Variants in ZFPM2 observed in about 807,000 individuals in gnomAD.
ZFPM2 encodes the protein zinc finger protein, FOG family member 2.
A neutral mutation model predicts 98.6 loss-of-function variants in ZFPM2; 20 were observed. The observed-to-expected ratio is 0.20, with a 90% CI of 0.14 to 0.29. ZFPM2 has a LOEUF of 0.29. Among genes scored for constraint, ZFPM2 ranks in the 10% least tolerant of loss-of-function variants. The pLI is 1.00. For missense variants in ZFPM2, 1,310 were observed against 1,388.6 expected (o/e 0.94, Z 0.90); for synonymous variants, 518 against 502.7 (o/e 1.03, Z -0.41).
chr8:105,790,235 T>C (rs1208674904), intron 6 of ZFPM2, among the ~76,000 whole-genome samples: 10 of 151,198 alleles, frequency 6.6e-5, no homozygotes, highest in African/African-American at 2.4e-4. Context: ...CATTTAAGTC[T>C]TTAATCCATC....
chr8:105,752,305 T>A (rs1339724179), intron 5 of ZFPM2, among the ~76,000 whole-genome samples: 2 of 152,138 alleles, frequency 1.3e-5, no homozygotes, highest in African/African-American at 4.8e-5. Context: ...GTTTTCTAAA[T>A]TTGTGATTCT....
intron 1 of ZFPM2, among the ~76,000 whole-genome samples, chr8:105,375,479 T>C (rs1305851734): frequency 1.3e-5 from 2 of 152,126 alleles, no homozygotes; most frequent in Admixed American, 6.6e-5. Flanking sequence ...CTCTTACTAG[T>C]GCAGTAGCAA....
chr8:105,386,868 C>G (rs974477352), intron 1 of ZFPM2, among the ~76,000 whole-genome samples: 8 of 152,034 alleles, frequency 5.3e-5, no homozygotes, highest in African/African-American at 1.2e-4. Flanking sequence ...CTCCACGTAC[C>G]CACTAGATTA....
intron 2 of ZFPM2, among the ~76,000 whole-genome samples, chr8:105,443,981 A>G (rs1026841173): frequency 3.9e-5 from 6 of 152,204 alleles, no homozygotes; most frequent in Admixed American, 2.0e-4. Context: ...AAAAAATTAT[A>G]AACTGCAATT....
chr8:105,804,097 G>C lies in ZFPM2; in HGVS notation c.*559G>C, dbSNP rs1486714420. Reference sequence around the variant, plus strand: ...AGCAGATACAGTCTCTTAGTCACTAGGCTTTGCATTTGTATGTAGCTGTAT... The same window carrying C: ...AGCAGATACAGTCTCTTAGTCACTACGCTTTGCATTTGTATGTAGCTGTAT... On this transcript the variant is annotated 3_prime_UTR_variant, in exon 8 of 8. Transcript: ENST00000407775. The C allele has an allele frequency of 6.5e-6, 1 of 153,212 alleles. No homozygotes were observed. The highest frequency in any genetic ancestry group is 1.5e-5 in the Non-Finnish European group (1 of 68,512). The allele number at this position is 153,212 out of a possible 1,614,324, so 9.5% of individuals were successfully genotyped here. A position where few individuals can be genotyped will look rare whatever the true frequency, so the allele number is the denominator to read the frequency against.
chr8:105,534,212 CTTCTTTT>C (rs1814391899), intron 3 of ZFPM2, among the ~76,000 whole-genome samples: 1 of 69,962 alleles, frequency 1.4e-5, no homozygotes, highest in African/African-American at 7.5e-5. Context: ...TCCCTTCTTC[CTTCTTTT>C]CTTCCTCCCT....
chr8:105,440,778 G>C (rs1443072755), intron 2 of ZFPM2, among the ~76,000 whole-genome samples: 1 of 152,086 alleles, frequency 6.6e-6, no homozygotes, highest in African/African-American at 2.4e-5. Flanking sequence ...AAGGGAATAA[G>C]GGATGAATAC....
At chr8:105,409,175 A>G (rs1432176084) in intron 1 of ZFPM2, among the ~76,000 whole-genome samples, 1 of 151,790 alleles carries the variant, frequency 6.6e-6, no homozygotes, top group African/African-American at 2.4e-5. Context: ...GGATGAAGAG[A>G]ATGCTTTTGC....
chr8:105,365,017 A>C (rs1810480431), intron 1 of ZFPM2, among the ~76,000 whole-genome samples: 1 of 151,892 alleles, frequency 6.6e-6, no homozygotes. Context: ...CTATTATCTC[A>C]ACTTGCTCTC....
At chr8:105,503,187 T>C (rs1044423284) in intron 3 of ZFPM2, among the ~76,000 whole-genome samples, 1 of 152,180 alleles carries the variant, frequency 6.6e-6, no homozygotes, top group African/African-American at 2.4e-5. Flanking sequence ...CAGGTAACTA[T>C]TGGATTCTGA....
chr8:105,601,631 C>T (rs1003642819), intron 4 of ZFPM2, among the ~76,000 whole-genome samples: 5 of 152,028 alleles, frequency 3.3e-5, no homozygotes, highest in Non-Finnish European at 5.9e-5. Context: ...TCTTTTGTTC[C>T]CCCTATTTTT....
chr8:105,662,537 A>G (rs1817410950), intron 5 of ZFPM2: 1 of 151,712 alleles, frequency 6.6e-6, no homozygotes, highest in African/African-American at 2.4e-5. Flanking sequence ...CTCCTTCTTT[A>G]GCAGCATAAG....
At chr8:105,592,233 T>C (rs1473097814) in intron 4 of ZFPM2, among the ~76,000 whole-genome samples, 1 of 152,072 alleles carries the variant, frequency 6.6e-6, no homozygotes. Context: ...TTTTTCCTTC[T>C]TTTTTCCCCC....
chr8:105,587,605 A>C (rs1161961506), intron 4 of ZFPM2, among the ~76,000 whole-genome samples: 3 of 152,026 alleles, frequency 2.0e-5, no homozygotes, highest in Non-Finnish European at 2.9e-5. Flanking sequence ...AATTGCTGGT[A>C]GGTCTCTTTT....
intron 3 of ZFPM2, among the ~76,000 whole-genome samples, chr8:105,449,873 G>A (rs927029819): frequency 3.3e-5 from 5 of 152,142 alleles, no homozygotes; most frequent in South Asian, 2.1e-4. Flanking sequence ...AATTGTACCT[G>A]TGTGGCCATT....
At chr8:105,324,724 A>G (rs1812085369) in intron 1 of ZFPM2, among the ~76,000 whole-genome samples, 1 of 151,978 alleles carries the variant, frequency 6.6e-6, no homozygotes, top group Non-Finnish European at 1.5e-5. Context: ...TATTAAGTGA[A>G]TAAACTAATT....
At chr8:105,725,395 TTC>T (rs1437923687) in intron 5 of ZFPM2, among the ~76,000 whole-genome samples, 1 of 151,844 alleles carries the variant, frequency 6.6e-6, no homozygotes, top group Non-Finnish European at 1.5e-5. Context: ...AACGTATTTT[TTC>T]TCTGTTTCTG....
chr8:105,575,890 A>T (rs1815455088), intron 4 of ZFPM2, among the ~76,000 whole-genome samples: 1 of 152,170 alleles, frequency 6.6e-6, no homozygotes, highest in African/African-American at 2.4e-5. Context: ...TTGGATCCAC[A>T]TATGGTTCAG....
chr8:105,402,457 A>G (rs1488037894), intron 1 of ZFPM2, among the ~76,000 whole-genome samples: 4 of 151,988 alleles, frequency 2.6e-5, no homozygotes, highest in African/African-American at 9.6e-5. Context: ...ATATTGCCCA[A>G]TTGGTTTAAA....
Sources: gnomAD v4.1 joint callset for allele counts (sites outside exome capture counted in the v4.1 genomes callset) on GRCh38, gnomAD v4.1.1 for gene constraint, MANE v1.5 for transcripts, NCBI Gene and HGNC (gene_info 2026-07-23, HGNC 2026-07-21) for gene names.